Variants in CCPG1 observed in about 807,000 individuals in gnomAD.
The protein encoded by CCPG1 is cell cycle progression protein 1.
In CCPG1, 46 loss-of-function variants were observed where a neutral mutation model predicts 81.3. The observed-to-expected ratio is 0.57, with a 90% CI of 0.45 to 0.72. The LOEUF (loss-of-function observed/expected upper bound fraction) is 0.72, where lower values mean the gene tolerates loss of function less well. Among genes scored for constraint, CCPG1 ranks in the 30% least tolerant of loss-of-function variants. The probability of loss-of-function intolerance (pLI) is 0.00; values close to 1 mark genes in which losing one functional copy is unlikely to be tolerated. For synonymous variants in CCPG1, 330 were observed against 305.2 expected, an observed-to-expected ratio of 1.08 and a Z score of -0.85; for missense variants, 902 against 937.6, an observed-to-expected ratio of 0.96 and a Z score of 0.50.
chr15:55,390,288 G>A (rs1178637606), intron 1 of CCPG1, among the ~76,000 whole-genome samples: 1 of 152,160 alleles, frequency 6.6e-6, no homozygotes, highest in Admixed American at 6.5e-5. Context: ...TGGGGCAGGG[G>A]GGAAGACACC....
At chr15:55,402,562 A>G (rs1231293218) in intron 1 of CCPG1, among the ~76,000 whole-genome samples, 3 of 152,100 alleles carry the variant, frequency 2.0e-5, no homozygotes, top group Non-Finnish European at 2.9e-5. Context: ...CTTTTTCTTT[A>G]TCGTAAATAT....
At chr15:55,359,481 C>A in intron 8 of CCPG1, 58 bp downstream of exon 8, 1 of 1,513,520 alleles carries the variant, frequency 6.6e-7, no homozygotes, top group Non-Finnish European at 8.8e-7. Context: ...CATAAAAATG[C>A]TATCCAATCT....
At chr15:55,369,968 T>C (rs1329968012) in intron 6 of CCPG1, among the ~76,000 whole-genome samples, 3 of 152,114 alleles carry the variant, frequency 2.0e-5, no homozygotes, top group Non-Finnish European at 4.4e-5. Flanking sequence ...CATACTCAAA[T>C]ACTTATTGAT....
chr15:55,372,346 T>A, intron 5 of CCPG1: 1 of 329,350 alleles, frequency 3.0e-6, no homozygotes. Flanking sequence ...CTTAGAACAA[T>A]CCTTCATTCG....
chr15:55,356,987 G>C (rs900587536), intron 8 of CCPG1: 2 of 985,324 alleles, frequency 2.0e-6, no homozygotes, highest in Middle Eastern at 5.2e-4. Context: ...CCTTTTACTT[G>C]AGATGGCTTT....
Position 55,372,377 on chromosome 15 carries a change from C to T in CCPG1, c.455-333G>A, listed in dbSNP as rs557420165. ...ATTCGCATAGCCTCAAGTTTCATTG[C>T]TGGCCAGGAGCAGTGGCTCACGCCT... is the stretch of plus-strand genomic sequence containing the variant. On this transcript the variant is annotated intron_variant, in intron 5 of 8. Transcript: ENST00000442196. 6 of 275,522 alleles carry T rather than the reference C, an allele frequency of 2.2e-5. No homozygotes were observed. The East Asian group carries it at 4.7e-4, about 21-fold the overall frequency. The allele number at this position is 275,522 out of a possible 1,614,324, so 17.1% of individuals were successfully genotyped here.
chr15:55,373,626 G>A (rs1566971893), intron 5 of CCPG1, among the ~76,000 whole-genome samples: 1 of 152,120 alleles, frequency 6.6e-6, no homozygotes, highest in Non-Finnish European at 1.5e-5. Context: ...CAAAGATGCC[G>A]TCGCCTCAGG....
intron 5 of CCPG1, chr15:55,372,374 T>C (rs12443448): frequency 0.049 from 13,344 of 274,044 alleles, 471 homozygotes; most frequent in Non-Finnish European, 0.058. Context: ...TCAAGTTTCA[T>C]TGCTGGCCAG....
rs374949056 is a variant in CCPG1, at chr15:55,386,563, G to A, written c.61-849C>T. Among the ~76,000 whole-genome samples, 11 of 152,080 alleles carry A rather than the reference G, an allele frequency of 7.2e-5. No homozygotes were observed. In the East Asian group the frequency reaches 1.4e-3, roughly 19 times the overall value. On this transcript the variant is annotated intron_variant, in intron 2 of 8. Transcript: ENST00000442196. ...AATCGAAAGGTCTGCATTCTCTTGCGTATACATAACTCAAGACAGCAAAAA... is the reference window on the plus strand; with the variant it reads ...AATCGAAAGGTCTGCATTCTCTTGCATATACATAACTCAAGACAGCAAAAA...
At position 55,360,491 on chromosome 15, in the gene CCPG1, G is replaced by A. The variant is rs745580071; in HGVS notation, c.1282C>T (p.Arg428Trp). Residue 428 changes from arginine (R) to tryptophan (W), a missense_variant, in exon 8 of 9, where the codon CGG becomes TGG. Physicochemically the swap from Arg to Trp is moderately radical, Grantham distance 101. Around this residue, in one of 3 missense-constraint regions of CCPG1, gnomAD observed 746 missense variants for 728.6 expected, o/e 1.02. Transcript: ENST00000442196. ...CGTTCCAGCTCAGTGAGTCTTTCCC[G>A]TAAGATTGCTATTTCCTTTTTTTCA... ...YTEKKEIAIL[R>W]ERLTELERKL... The A allele has an allele frequency of 9.9e-6, 16 of 1,613,844 alleles. No homozygotes were observed. Among genetic ancestry groups the A allele is most frequent in the Admixed American group, 8.3e-5 (5 of 59,964 alleles).
Position 55,360,766 on chromosome 15 carries a change from C to G in CCPG1, c.1007G>C (p.Arg336Thr), listed in dbSNP as rs1407355210. The G allele has an allele frequency of 6.2e-7, 1 of 1,612,102 alleles. No homozygotes were observed. The highest frequency in any genetic ancestry group is 8.5e-7 in the Non-Finnish European group (1 of 1,179,512). ...ACTTGTCCCTTTATCTTCCAATATT[C>G]TAATCTGTTCTCTTAGTTTGTTTAA... ...EELNKLREQI[R>T]ILEDKGTSTE... The change falls in exon 8 of 9, where the codon AGA becomes ACA. Residue 336 changes from arginine (R) to threonine (T), a missense_variant. Coordinates refer to ENST00000442196, the MANE Select transcript of CCPG1 (RefSeq NM_001204450.2).
intron 1 of CCPG1, among the ~76,000 whole-genome samples, chr15:55,401,831 G>T (rs953027249): frequency 1.3e-5 from 2 of 152,152 alleles, no homozygotes; most frequent in African/African-American, 4.8e-5. Flanking sequence ...ACTCCTTAGT[G>T]TGACACTGAA....
intron 1 of CCPG1, among the ~76,000 whole-genome samples, chr15:55,396,166 A>C (rs568538705): frequency 8.5e-5 from 13 of 152,162 alleles, no homozygotes; most frequent in Non-Finnish European, 1.6e-4. Flanking sequence ...AAAAAAAAAA[A>C]AAAAAAGAAC....
At chr15:55,389,494 C>A (rs1375085214) in intron 1 of CCPG1, 61 bp from the exon 2 acceptor site, 1 of 1,122,490 alleles carries the variant, frequency 8.9e-7, no homozygotes, top group African/African-American at 1.5e-5. Context: ...ATAGGAAGCA[C>A]TATATGTGAC....
At chr15:55,381,760 T>C (rs8042509) in intron 3 of CCPG1, among the ~76,000 whole-genome samples, 35,459 of 152,034 alleles carry the variant, frequency 0.23, 5,257 homozygotes, top group Non-Finnish European at 0.34. Flanking sequence ...TGTTCAGGAG[T>C]CCTATTTCTC....
At chr15:55,399,993 G>A (rs1166536149) in intron 1 of CCPG1, 1 of 151,616 alleles carries the variant, frequency 6.6e-6, no homozygotes. Context: ...ACTTTGGGAG[G>A]ATCACTTGAG....
At chr15:55,362,341 G>GAA (rs139033119) in intron 7 of CCPG1, among the ~76,000 whole-genome samples, 1 of 147,792 alleles carries the variant, frequency 6.8e-6, no homozygotes, top group Admixed American at 6.7e-5. Context: ...AAAAAAAAAG[G>GAA]AAAAAAAAAT....
chr15:55,374,124 T>C, intron 5 of CCPG1: 2 of 1,204,140 alleles, frequency 1.7e-6, no homozygotes, highest in Non-Finnish European at 2.2e-6. Context: ...CACTCAGCTC[T>C]AGAGAAGCTG....
At chr15:55,366,834 AC>A (rs1411110423) in intron 6 of CCPG1, among the ~76,000 whole-genome samples, 5 of 152,202 alleles carry the variant, frequency 3.3e-5, no homozygotes, top group Admixed American at 3.3e-4. Context: ...TCAAAATGTT[AC>A]TTTACTCAGA....
Sources: gnomAD v4.1 joint callset for allele counts (sites outside exome capture counted in the v4.1 genomes callset) on GRCh38, gnomAD v4.1.1 for gene constraint, gnomAD v4.1.1 regional missense constraint, MANE v1.5 for transcripts, NCBI Gene and HGNC (gene_info 2026-07-23, HGNC 2026-07-21) for gene names.